OPA1: variants seen among roughly 807,000 people sequenced by gnomAD.
OPA1 encodes OPA1 mitochondrial dynamin like GTPase, also known as dynamin-like GTPase OPA1, mitochondrial.
OPA1 carries 59 observed loss-of-function variants against 152.9 expected under a neutral mutation model. The ratio of observed to expected loss-of-function variants is 0.39; its 90% CI spans 0.31 to 0.48. The LOEUF (loss-of-function observed/expected upper bound fraction) is 0.48, where lower values mean the gene tolerates loss of function less well. OPA1 is among the 20% of genes least tolerant of loss of function. The pLI, the probability that OPA1 is intolerant of heterozygous loss-of-function variation, is 0.96. For missense variants in OPA1, 1,008 were observed against 1,216.8 expected (o/e 0.83, Z 2.55); for synonymous variants, 400 against 389.9 (o/e 1.03, Z -0.31).
chr3:193,684,394 AG>A (rs1720636850), intron 29 of OPA1, among the ~76,000 whole-genome samples: 1 of 151,548 alleles, frequency 6.6e-6, no homozygotes, highest in Non-Finnish European at 1.5e-5. Context: ...GGTAGCCAGA[AG>A]TTCAAGATTT....
At chr3:193,677,793 C>T (rs958774191) in intron 29 of OPA1, among the ~76,000 whole-genome samples, 1 of 152,164 alleles carries the variant, frequency 6.6e-6, no homozygotes, top group Non-Finnish European at 1.5e-5. Context: ...ATGGAAATGA[C>T]GAAGCTAATA....
At chr3:193,638,710 A>G (rs1471561896) in intron 11 of OPA1, among the ~76,000 whole-genome samples, 1 of 152,250 alleles carries the variant, frequency 6.6e-6, no homozygotes, top group African/African-American at 2.4e-5. Flanking sequence ...TGATGTAAAC[A>G]TCACACATAG....
At chr3:193,626,797 G>A (rs2080322616) in intron 7 of OPA1, among the ~76,000 whole-genome samples, 1 of 152,170 alleles carries the variant, frequency 6.6e-6, no homozygotes. Context: ...CGGAGGGTTT[G>A]AACACTGGAA....
At chr3:193,658,012 G>A (rs556874428) in intron 23 of OPA1, among the ~76,000 whole-genome samples, 37 of 152,214 alleles carry the variant, frequency 2.4e-4, no homozygotes, top group Admixed American at 3.9e-4. Flanking sequence ...TTGGGAGGCC[G>A]AGGTGGGTGG....
rs561011606 is a variant in OPA1 at position 193,593,652 on chromosome 3, C to G, written c.32+243C>G. ...CAACCCGAAAATTCTGGACGCCTCTCAATCTTGGCCCGTCTCTATTGTCCT... is the reference window on the plus strand; with the variant it reads ...CAACCCGAAAATTCTGGACGCCTCTGAATCTTGGCCCGTCTCTATTGTCCT... On this transcript the variant is annotated intron_variant, in intron 1 of 30. Transcript: ENST00000361510. Among the ~76,000 whole-genome samples, 8 of 152,326 alleles carry G rather than the reference C, an allele frequency of 5.3e-5. No homozygotes were observed. In the East Asian group the frequency reaches 1.5e-3, roughly 29 times the overall value.
rs774414089 is a variant in OPA1 at position 193,617,799 on chromosome 3, G to A, written c.572G>A (p.Ser191Asn). 10 of 1,612,760 alleles carry A rather than the reference G, an allele frequency of 6.2e-6. No homozygotes were observed. The highest frequency in any genetic ancestry group is 8.5e-6 in the Non-Finnish European group (10 of 1,179,152). ...TTTTTCACAGGTCACAAATTGGTTA[G>A]TGAAGTCATAGGAGCTTCTGACCTA... is the stretch of plus-strand genomic sequence containing the variant. ...DFFTSGHKLV[S>N]EVIGASDLLL... Residue 191 changes from serine to asparagine, a missense_variant, in exon 5 of 31, where the codon AGT (serine) becomes AAT (asparagine). Physicochemically the swap from Ser to Asn is conservative, Grantham distance 46. Around this residue, in one of 7 missense-constraint regions of OPA1, gnomAD observed 408 missense variants for 395.1 expected, o/e 1.03. Coordinates refer to ENST00000361510, the MANE Select transcript of OPA1 (RefSeq NM_130837.3).
intron 28 of OPA1, 58 bp from the exon 29 acceptor site, chr3:193,667,112 C>T: frequency 1.2e-6 from 1 of 821,422 alleles, no homozygotes; most frequent in Non-Finnish European, 2.1e-6. Flanking sequence ...TTAATTTTAT[C>T]ATCTTTATTC....
chr3:193,667,550 A>G, intron 29 of OPA1: 1 of 390,934 alleles, frequency 2.6e-6, no homozygotes, highest in Non-Finnish European at 4.9e-6. Flanking sequence ...GGGTGCCTAT[A>G]GTCCCAGCTA....
intron 6 of OPA1, among the ~76,000 whole-genome samples, chr3:193,622,994 T>G (rs1391981926): frequency 6.6e-6 from 1 of 152,190 alleles, no homozygotes; most frequent in African/African-American, 2.4e-5. Flanking sequence ...TACTTGATAT[T>G]CTGAATTGGA....
At position 193,605,791 on chromosome 3, in the gene OPA1, G is replaced by A. The variant is rs1727162643; in HGVS notation, c.33-8932G>A. ...AAAAAACTGTGTTTTTCTGAAAGGG[G>A]GCTCAGAGTTAATTGGATGGGTTCA... On this transcript the variant is annotated intron_variant, in intron 1 of 30. Transcript: ENST00000361510. Among the ~76,000 whole-genome samples the A allele has an allele frequency of 2.6e-5, 4 of 152,142 alleles. No individual in the cohort carries two copies. In the East Asian group the frequency reaches 5.8e-4, roughly 22 times the overall value.
intron 1 of OPA1, among the ~76,000 whole-genome samples, chr3:193,597,822 A>G (rs1178664349): frequency 1.3e-5 from 2 of 151,952 alleles, no homozygotes; most frequent in Admixed American, 1.3e-4. Context: ...GCAGTGGCTT[A>G]CACCTGTAAT....
intron 1 of OPA1, among the ~76,000 whole-genome samples, chr3:193,594,769 G>A (rs1725246934): frequency 6.6e-6 from 1 of 152,190 alleles, no homozygotes; most frequent in Non-Finnish European, 1.5e-5. Context: ...TAGTCAGTTA[G>A]AATTATTGCA....
intron 1 of OPA1, chr3:193,596,775 C>G (rs1285241296): frequency 6.6e-6 from 1 of 152,180 alleles, no homozygotes; most frequent in Non-Finnish European, 1.5e-5. Flanking sequence ...TGTATACTCT[C>G]AAGTCTTAAA....
chr3:193,651,335 A>G (rs183131027), intron 21 of OPA1, among the ~76,000 whole-genome samples: 1 of 152,336 alleles, frequency 6.6e-6, no homozygotes, highest in African/African-American at 2.4e-5. Flanking sequence ...AAACTTGGAT[A>G]GTGAGTGGTA....
At chr3:193,642,549 C>T (rs894648937) in intron 11 of OPA1, among the ~76,000 whole-genome samples, 1 of 152,176 alleles carries the variant, frequency 6.6e-6, no homozygotes, top group African/African-American at 2.4e-5. Flanking sequence ...GTTGGGAAAT[C>T]ACAACATATA....
chr3:193,670,439 G>A (rs1717659316), intron 29 of OPA1, among the ~76,000 whole-genome samples: 1 of 149,594 alleles, frequency 6.7e-6, no homozygotes, highest in Non-Finnish European at 1.5e-5. Flanking sequence ...AGGCTAGAGT[G>A]CAGTGGCACG....
In OPA1 at chr3:193,643,407, A is replaced by G. The variant is rs762601720; in HGVS notation, c.1340A>G (p.Gln447Arg). 1 of 1,611,998 alleles carries G rather than the reference A, an allele frequency of 6.2e-7. No homozygotes were observed. Among genetic ancestry groups the G allele is most frequent in the South Asian group, 1.1e-5 (1 of 91,038 alleles). ...ISLNVKGPGL[Q>R]RMVLVDLPGV... Reference sequence around the variant, plus strand: ...TTAAATGTAAAAGGCCCTGGACTACAGAGGATGGTGCTTGTTGACTTACCA... The same window carrying G: ...TTAAATGTAAAAGGCCCTGGACTACGGAGGATGGTGCTTGTTGACTTACCA... The change falls in exon 14 of 31, where the codon CAG becomes CGG. Residue 447 changes from glutamine (Q) to arginine (R), a missense_variant. By Grantham distance (43) the Gln-to-Arg change is conservative. This residue lies in a region of OPA1 where 213 missense variants were observed against 291.4 expected (regional missense o/e 0.73). Transcript: ENST00000361510.
Position 193,631,634 on chromosome 3 carries a change from A to T in OPA1, c.812A>T (p.Asp271Val). ...KRKVSDKEKIDQLQEELLHTQ... is the reference protein window; with the variant it reads ...KRKVSDKEKIVQLQEELLHTQ... ...TAGGTGTCAGACAAAGAGAAAATTG[A>T]CCAACTTCAGGAAGAACTTCTGCAC... The change falls in exon 8 of 31, where the codon GAC becomes GTC. Residue 271 changes from aspartate (D) to valine (V), a missense_variant. This residue lies in a region of OPA1 where 408 missense variants were observed against 395.1 expected (regional missense o/e 1.03). Coordinates refer to ENST00000361510, the MANE Select transcript of OPA1 (RefSeq NM_130837.3). The T allele has an allele frequency of 1.2e-6, 2 of 1,612,272 alleles. No homozygotes were observed. The highest frequency in any genetic ancestry group is 2.2e-5 in the South Asian group (2 of 90,934).
intron 11 of OPA1, among the ~76,000 whole-genome samples, chr3:193,641,501 T>G (rs1733778670): frequency 6.6e-6 from 1 of 152,142 alleles, no homozygotes; most frequent in South Asian, 2.1e-4. Flanking sequence ...TCATTTTTCT[T>G]TGGGATTGTG....
Sources: allele counts gnomAD v4.1 joint callset (sites outside exome capture counted in the v4.1 genomes callset), GRCh38; gene constraint gnomAD v4.1.1; regional missense constraint gnomAD v4.1.1; transcripts MANE v1.5; gene names NCBI Gene and HGNC (gene_info 2026-07-23, HGNC 2026-07-21).